Variants in CENPP observed in about 807,000 individuals in gnomAD.
CENPP encodes centromere protein P.
In CENPP, 24 loss-of-function variants were observed where a neutral mutation model predicts 35.6. The observed-to-expected ratio is 0.67, with a 90% confidence interval of 0.49 to 0.95. The LOEUF (loss-of-function observed/expected upper bound fraction) is 0.95, where lower values mean the gene tolerates loss of function less well. CENPP is among the 40% of genes least tolerant of loss of function. The probability of loss-of-function intolerance (pLI) is 0.00; values close to 1 mark genes in which losing one functional copy is unlikely to be tolerated. For synonymous variants in CENPP, 120 were observed against 125.5 expected, an observed-to-expected ratio of 0.96 and a Z score of 0.29; for missense variants, 332 against 345.3, an observed-to-expected ratio of 0.96 and a Z score of 0.31.
At chr9:92,433,167 A>C (rs1844160898) in intron 5 of CENPP, among the ~76,000 whole-genome samples, 1 of 152,192 alleles carries the variant, frequency 6.6e-6, no homozygotes, top group Non-Finnish European at 1.5e-5. Context: ...GTCCAAGATC[A>C]AGGCACCAGC....
intron 5 of CENPP, among the ~76,000 whole-genome samples, chr9:92,429,648 G>A (rs777473955): frequency 6.6e-6 from 1 of 152,034 alleles, no homozygotes; most frequent in African/African-American, 2.4e-5. Flanking sequence ...TTAGCCGAGC[G>A]TGGTGGTAGG....
intron 5 of CENPP, chr9:92,517,926 A>C (rs1847827028): frequency 6.2e-7 from 1 of 1,603,166 alleles, no homozygotes; most frequent in Admixed American, 1.7e-5. Context: ...ATTATCAGTA[A>C]CTGTGAATGG....
At chr9:92,515,152 G>A in intron 5 of CENPP, 1 of 1,609,714 alleles carries the variant, frequency 6.2e-7, no homozygotes, top group East Asian at 2.2e-5. Flanking sequence ...AGAATCACCA[G>A]AAAATTCATT....
intron 5 of CENPP, chr9:92,415,067 C>T: frequency 9.7e-7 from 1 of 1,031,234 alleles, no homozygotes; most frequent in Non-Finnish European, 1.4e-6. Context: ...AAATATATTA[C>T]TTTGAGTAAT....
At chr9:92,502,366 A>C in intron 5 of CENPP, 2 of 953,346 alleles carry the variant, frequency 2.1e-6, no homozygotes, top group Admixed American at 2.7e-5. Context: ...GGGATAGGGT[A>C]AGGGTTCACT....
intron 5 of CENPP, among the ~76,000 whole-genome samples, chr9:92,427,337 A>G (rs2130981192): frequency 6.6e-6 from 1 of 152,002 alleles, no homozygotes; most frequent in East Asian, 1.9e-4. Flanking sequence ...TAATTTTTGT[A>G]TTTTTAGTAG....
intron 5 of CENPP, among the ~76,000 whole-genome samples, chr9:92,553,268 A>G (rs552202960): frequency 5.3e-5 from 8 of 152,168 alleles, no homozygotes; most frequent in East Asian, 1.9e-4. Flanking sequence ...CCATTGGTCT[A>G]TATGCCTATT....
chr9:92,488,807 C>A (rs1283128050), intron 5 of CENPP, among the ~76,000 whole-genome samples: 1 of 152,048 alleles, frequency 6.6e-6, no homozygotes, highest in Non-Finnish European at 1.5e-5. Flanking sequence ...TAGAAACACA[C>A]CAGGACATTT....
chr9:92,611,197 G>A (rs1344840992), intron 5 of CENPP, 117 bp from the exon 6 acceptor site: 1 of 796,640 alleles, frequency 1.3e-6, no homozygotes, highest in Non-Finnish European at 2.2e-6. Flanking sequence ...CATGGATGCT[G>A]CGCAAACACT....
intron 5 of CENPP, among the ~76,000 whole-genome samples, chr9:92,532,628 A>G (rs962318106): frequency 2.6e-5 from 4 of 152,154 alleles, no homozygotes; most frequent in African/African-American, 7.2e-5. Context: ...TATTAAATCT[A>G]TCCATTGACT....
rs1225915156 is a variant in CENPP, at chr9:92,615,617, A to G, written c.*2468A>G. On this transcript the variant is annotated 3_prime_UTR_variant, in exon 8 of 8. Coordinates refer to ENST00000375587, the MANE Select transcript of CENPP (RefSeq NM_001012267.3). Reference sequence around the variant, plus strand: ...ACACTTCCATTTTAAGAGTGTGAGCAGCTTCCTGGGACACAGCACTCACTT... The same window carrying G: ...ACACTTCCATTTTAAGAGTGTGAGCGGCTTCCTGGGACACAGCACTCACTT... 1.9e-6 allele frequency: 1 copy of G among 537,964 alleles called. No homozygotes were observed. The highest frequency in any genetic ancestry group is 3.3e-6 in the Non-Finnish European group (1 of 299,112). 33.3% of individuals were successfully genotyped at this position (537,964 alleles called of 1,614,324 possible). A position where few individuals can be genotyped will look rare whatever the true frequency, so the allele number is the denominator to read the frequency against.
At chr9:92,409,208 A>G (rs1033508420) in intron 5 of CENPP, among the ~76,000 whole-genome samples, 1 of 152,232 alleles carries the variant, frequency 6.6e-6, no homozygotes, top group Non-Finnish European at 1.5e-5. Context: ...GAATAGTTAT[A>G]TCAATTTAGG....
chr9:92,398,982 G>A (rs1381201231), intron 5 of CENPP, among the ~76,000 whole-genome samples: 1 of 151,674 alleles, frequency 6.6e-6, no homozygotes, highest in Admixed American at 6.6e-5. Flanking sequence ...AATTGCTTGA[G>A]CCCAAATGGC....
chr9:92,409,180 A>G (rs1194204128), intron 5 of CENPP, among the ~76,000 whole-genome samples: 1 of 152,252 alleles, frequency 6.6e-6, no homozygotes. Flanking sequence ...ATTTACACCT[A>G]GGCAGATTTA....
intron 5 of CENPP, among the ~76,000 whole-genome samples, chr9:92,443,175 A>C (rs1019937045): frequency 8.5e-5 from 13 of 152,202 alleles, no homozygotes; most frequent in Non-Finnish European, 1.9e-4. Context: ...AAGAATATAC[A>C]AGCAAACTAT....
chr9:92,608,083 G>T (rs546337632), intron 5 of CENPP, among the ~76,000 whole-genome samples: 2 of 152,298 alleles, frequency 1.3e-5, no homozygotes, highest in South Asian at 4.2e-4. Context: ...GCTCAGCGAG[G>T]TCCCCTCCCA....
chr9:92,452,451 A>G (rs1844740426), intron 5 of CENPP, among the ~76,000 whole-genome samples: 1 of 152,228 alleles, frequency 6.6e-6, no homozygotes, highest in Admixed American at 6.5e-5. Context: ...GATGAAGCCC[A>G]CTTGATCATG....
In CENPP at chr9:92,457,210, T is replaced by C. The variant is rs539889035; in HGVS notation, c.564+77351T>C. 8.5e-4 allele frequency: 1,310 copies of C among 1,533,326 alleles called. 1 individual carries two copies. Among genetic ancestry groups the C allele is most frequent in the Non-Finnish European group, 1.0e-3 (1,189 of 1,134,296 alleles). 95.0% of individuals were successfully genotyped at this position (1,533,326 alleles called of 1,614,324 possible). ...TTTGCTTGTATATATAATACTACCA[T>C]TATTAATAGAGTTCAAGTATTCCAA... is the stretch of plus-strand genomic sequence containing the variant. On this transcript the variant is annotated intron_variant, in intron 5 of 7. Coordinates refer to ENST00000375587, the MANE Select transcript of CENPP (RefSeq NM_001012267.3).
intron 5 of CENPP, chr9:92,495,723 A>C: frequency 1.1e-6 from 1 of 925,874 alleles, no homozygotes; most frequent in African/African-American, 1.8e-5. Flanking sequence ...TATGATTTTC[A>C]AAACCAGGAA....
Sources: allele counts gnomAD v4.1 joint callset (sites outside exome capture counted in the v4.1 genomes callset), GRCh38; gene constraint gnomAD v4.1.1; transcripts MANE v1.5; gene names NCBI Gene and HGNC (gene_info 2026-07-23, HGNC 2026-07-21).